R3HDM1: variants seen among roughly 807,000 people sequenced by gnomAD.
The protein encoded by R3HDM1 is R3H domain containing 1.
A neutral mutation model predicts 141.1 loss-of-function variants in R3HDM1; 46 were observed. The ratio of observed to expected loss-of-function variants is 0.33; its 90% CI spans 0.26 to 0.42. R3HDM1 has a LOEUF of 0.42. Among genes scored for constraint, R3HDM1 ranks in the 10% least tolerant of loss-of-function variants. The pLI is 1.00. For synonymous variants in R3HDM1, 435 were observed against 472.9 expected, an observed-to-expected ratio of 0.92 and a Z score of 1.04; for missense variants, 1,184 against 1,368.3, an observed-to-expected ratio of 0.87 and a Z score of 2.12.
intron 1 of R3HDM1, chr2:135,586,672 T>C: frequency 5.1e-6 from 5 of 985,034 alleles, no homozygotes; most frequent in Non-Finnish European, 6.0e-6. Context: ...TTTGCAAAAA[T>C]ATATTTGTTT....
intron 24 of R3HDM1, among the ~76,000 whole-genome samples, chr2:135,720,018 G>A (rs946377078): frequency 1.3e-5 from 2 of 152,046 alleles, no homozygotes; most frequent in African/African-American, 4.8e-5. Context: ...CTAATTTTTT[G>A]TGTTTTTAGG....
At chr2:135,563,278 A>C (rs1279468073) in intron 1 of R3HDM1, among the ~76,000 whole-genome samples, 1 of 152,172 alleles carries the variant, frequency 6.6e-6, no homozygotes, top group Non-Finnish European at 1.5e-5. Flanking sequence ...AAACTTAAGA[A>C]TTGCCTTTTA....
At chr2:135,543,195 C>A in intron 1 of R3HDM1, 2 of 575,882 alleles carry the variant, frequency 3.5e-6, no homozygotes, top group Non-Finnish European at 2.2e-6. Context: ...ACGTGAATAT[C>A]TAGTTTTCTG....
intron 19 of R3HDM1, chr2:135,665,327 C>A (rs1235340246): frequency 8.3e-6 from 4 of 481,882 alleles, no homozygotes; most frequent in Admixed American, 2.1e-5. Context: ...TTTTATTATT[C>A]TTATGACTCT....
At position 135,609,800 on chromosome 2, in the gene R3HDM1, A is replaced by G. The variant is rs944228536; in HGVS notation, c.171+4784A>G. ...ACATGACTGTAATCCCAGCACTTTG[A>G]GGAAGGCTAAGGCAAGCGGATCGCT... On this transcript the variant is annotated intron_variant, in intron 3 of 26. Transcript: ENST00000683871. Among the ~76,000 whole-genome samples the G allele has an allele frequency of 1.1e-4, 17 of 152,098 alleles. No homozygotes were observed. The Middle Eastern group carries it at 9.6e-3, about 85-fold the overall frequency.
intron 18 of R3HDM1, among the ~76,000 whole-genome samples, chr2:135,658,824 T>C (rs544187811): frequency 3.9e-5 from 6 of 152,324 alleles, no homozygotes; most frequent in African/African-American, 7.2e-5. Context: ...TTTCTTTCTT[T>C]TTAATTTTTT....
chr2:135,569,292 G>T (rs918019619), intron 1 of R3HDM1, among the ~76,000 whole-genome samples: 3 of 152,028 alleles, frequency 2.0e-5, no homozygotes, highest in African/African-American at 7.2e-5. Flanking sequence ...AGACCAGCCT[G>T]GACAACATAG....
At position 135,645,509 on chromosome 2, in the gene R3HDM1, T is replaced by G; in HGVS notation, c.1605T>G (p.Ala535=). Residue 535 remains alanine, a synonymous_variant, in exon 16 of 27, where the codon GCT becomes GCG. Coordinates refer to ENST00000683871, the MANE Select transcript of R3HDM1 (RefSeq NM_001378107.1). The part of the protein sequence containing the change: ...PLPAPPQQPA[A]NHIFSQPVHP... ...CAGCCCCACCTCAACAACCAGCAGC[T>G]AATCACATTTTCTCACAGGTGCACA... The G allele has an allele frequency of 6.2e-7, 1 of 1,614,026 alleles. No individual in the cohort carries two copies. Among genetic ancestry groups the G allele is most frequent in the Non-Finnish European group, 8.5e-7 (1 of 1,179,966 alleles).
intron 1 of R3HDM1, among the ~76,000 whole-genome samples, chr2:135,545,358 C>T (rs1698469574): frequency 6.6e-6 from 1 of 152,096 alleles, no homozygotes; most frequent in East Asian, 1.9e-4. Context: ...GAAACTATTG[C>T]AATGATTTTA....
Sources: allele counts gnomAD v4.1 joint callset (sites outside exome capture counted in the v4.1 genomes callset), GRCh38; gene constraint gnomAD v4.1.1; transcripts MANE v1.5; gene names NCBI Gene and HGNC (gene_info 2026-07-23, HGNC 2026-07-21).